Variants in CROCC2 observed in about 807,000 individuals in gnomAD.
CROCC2 encodes the protein ciliary rootlet coiled-coil protein 2.
A neutral mutation model predicts 177.6 loss-of-function variants in CROCC2; 163 were observed. That is an observed-to-expected ratio of 0.92 (90% CI 0.81 to 1.05). The LOEUF is 1.05. Ranked by LOEUF, CROCC2 falls within the 50% of genes least tolerant of loss-of-function variation. CROCC2 has a pLI of 0.00. For synonymous variants in CROCC2, 904 were observed against 787.3 expected (o/e 1.15, Z -2.48); for missense variants, 1,929 against 1,797.8 (o/e 1.07, Z -1.32).
intron 20 of CROCC2, 127 bp from the exon 21 acceptor site, chr2:240,963,429 G>C: frequency 1.0e-6 from 1 of 996,224 alleles, no homozygotes; most frequent in Admixed American, 2.9e-5. Context: ...GGTGAGCAAA[G>C]CGCATGGGGA....
At chr2:240,909,857 C>A (rs1472957572) in intron 1 of CROCC2, among the ~76,000 whole-genome samples, 1 of 152,176 alleles carries the variant, frequency 6.6e-6, no homozygotes, top group South Asian at 2.1e-4. Context: ...AGATGGGCAG[C>A]AGAACCGTAG....
chr2:240,990,011 C>T (rs1046335604), intron 30 of CROCC2, among the ~76,000 whole-genome samples, 178 bp downstream of exon 30: 1 of 152,234 alleles, frequency 6.6e-6, no homozygotes, highest in Non-Finnish European at 1.5e-5. Flanking sequence ...TTGCTCTCGA[C>T]GGCACGAGGT....
chr2:240,955,596 T>G (rs1025239397), intron 18 of CROCC2: 1 of 455,684 alleles, frequency 2.2e-6, no homozygotes, highest in Non-Finnish European at 3.9e-6. Flanking sequence ...CCCAGGGACG[T>G]GCCCAAGTGC....
At chr2:240,911,536 G>A (rs905153764) in intron 1 of CROCC2, among the ~76,000 whole-genome samples, 4 of 152,092 alleles carry the variant, frequency 2.6e-5, no homozygotes, top group Non-Finnish European at 5.9e-5. Context: ...GACCTCAAGC[G>A]ATGTGCGCGC....
intron 25 of CROCC2, among the ~76,000 whole-genome samples, chr2:240,966,791 T>A (rs2059687293): frequency 6.6e-6 from 1 of 152,064 alleles, no homozygotes; most frequent in Admixed American, 6.5e-5. Flanking sequence ...AGCTCCCCAG[T>A]GGCTGCTCCT....
intron 28 of CROCC2, chr2:240,983,607 G>A (rs2059816974): frequency 7.8e-7 from 1 of 1,284,900 alleles, no homozygotes; most frequent in African/African-American, 1.5e-5. Flanking sequence ...CCTTAGAGAG[G>A]AAGGAGGAGC....
chr2:240,988,728 G>T lies in CROCC2; in HGVS notation c.4552-11G>T, dbSNP rs934681495. On this transcript the variant is annotated splice_polypyrimidine_tract_variant and intron_variant, in intron 28 of 31. Coordinates refer to ENST00000690015, the MANE Select transcript of CROCC2 (RefSeq NM_001351305.2). The stretch of plus-strand genomic sequence containing the variant: ...GGAGGCCACAGGTTCTGCCTCCTGG[G>T]ATCTCTGCAGATGGAGCAAGAGACA... The T allele has an allele frequency of 5.1e-6, 7 of 1,368,486 alleles. No individual in the cohort carries two copies. In the East Asian group the frequency reaches 1.7e-4, roughly 34 times the overall value. The allele number at this position is 1,368,486 out of a possible 1,614,324, so 84.8% of individuals were successfully genotyped here.
Position 240,931,015 on chromosome 2 carries a change from G to T in CROCC2, c.834G>T (p.Arg278=). 1.4e-6 allele frequency: 1 copy of T among 716,506 alleles called. No homozygotes were observed. Among genetic ancestry groups the T allele is most frequent in the Non-Finnish European group, 2.6e-6 (1 of 384,840 alleles). 44.4% of individuals were successfully genotyped at this position (716,506 alleles called of 1,614,324 possible). The change falls in exon 7 of 32, where the codon CGG becomes CGT. Residue 278 remains arginine, a synonymous_variant. Coordinates refer to ENST00000690015, the MANE Select transcript of CROCC2 (RefSeq NM_001351305.2). The part of the protein sequence containing the change: ...TACLNLDSNL[R]LSASSTASTL... ...GCCTGAACCTCGACTCCAACCTGCG[G>T]CTGTCGGCCAGCAGCACGGCCAGCA...
At chr2:240,938,392 T>TG (rs1247097166) in intron 14 of CROCC2, among the ~76,000 whole-genome samples, 1 of 152,226 alleles carries the variant, frequency 6.6e-6, no homozygotes, top group Non-Finnish European at 1.5e-5. Context: ...ATCATATATG[T>TG]GGGATTTGTT....
At chr2:240,959,725 G>T in intron 20 of CROCC2, 1 of 334,974 alleles carries the variant, frequency 3.0e-6, no homozygotes, top group South Asian at 8.0e-5. Context: ...GTTTTCAGGG[G>T]AAAGAAGGCA....
intron 27 of CROCC2, 39 bp downstream of exon 27, chr2:240,968,301 A>G: frequency 6.7e-7 from 1 of 1,503,350 alleles, no homozygotes; most frequent in Non-Finnish European, 8.9e-7. Context: ...GTGGGGCACA[A>G]GAACAAGGCC....
Position 240,931,220 on chromosome 2 carries a change from G to A in CROCC2, c.947+92G>A, listed in dbSNP as rs1378873465. ...CGAGCAGCTGTGGATCCCAGATGTG[G>A]TCACACCGTTCCAGGGCAGGTGGGG... is the stretch of plus-strand genomic sequence containing the variant. On this transcript the variant is annotated intron_variant, in intron 7 of 31. Coordinates refer to ENST00000690015, the MANE Select transcript of CROCC2 (RefSeq NM_001351305.2). 5 of 621,008 alleles carry A rather than the reference G, an allele frequency of 8.1e-6. No homozygotes were observed. In the African/African-American group the frequency reaches 9.1e-5, roughly 11 times the overall value. 38.5% of individuals were successfully genotyped at this position (621,008 alleles called of 1,614,324 possible). A position where few individuals can be genotyped will look rare whatever the true frequency, so the allele number is the denominator to read the frequency against.
At chr2:240,980,947 C>A (rs2059793572) in intron 27 of CROCC2, among the ~76,000 whole-genome samples, 1 of 90,856 alleles carries the variant, frequency 1.1e-5, no homozygotes, top group East Asian at 4.7e-4. Flanking sequence ...CTCAGGAGCC[C>A]AGGCTCATCC....
chr2:240,951,364 C>T (rs2059555323), intron 18 of CROCC2, among the ~76,000 whole-genome samples: 1 of 151,892 alleles, frequency 6.6e-6, no homozygotes, highest in African/African-American at 2.4e-5. Flanking sequence ...CCTGCCCATC[C>T]ATCCATCCAT....
At chr2:240,966,195 C>A in intron 24 of CROCC2, 30 bp from the exon 25 acceptor site, 1 of 1,116,762 alleles carries the variant, frequency 9.0e-7, no homozygotes, top group African/African-American at 1.6e-5. Flanking sequence ...GTGTTCCTGT[C>A]CACGACCCCT....
chr2:240,923,454 C>A (rs1225097074), intron 4 of CROCC2, among the ~76,000 whole-genome samples: 2 of 130,030 alleles, frequency 1.5e-5, no homozygotes, highest in African/African-American at 5.7e-5. Flanking sequence ...CTAACCCGGC[C>A]CCCCACACTA....
chr2:240,972,487 C>T lies in CROCC2; in HGVS notation c.4401+4225C>T, dbSNP rs2059728403. On this transcript the variant is annotated intron_variant, in intron 27 of 31. Coordinates refer to ENST00000690015, the MANE Select transcript of CROCC2 (RefSeq NM_001351305.2). The surrounding 1 kb of genome is among the most constrained non-coding windows in gnomAD (Gnocchi z 7.1). The stretch of plus-strand genomic sequence containing the variant: ...CCTCTTCCCTGAGGTCCTGGTAGTA[C>T]AGAGTTGCCTCCCCAACACCCCTGC... Among the ~76,000 whole-genome samples, 1 of 152,078 alleles carries T rather than the reference C, an allele frequency of 6.6e-6. No homozygotes were observed. The highest frequency in any genetic ancestry group is 6.5e-5 in the Admixed American group (1 of 15,276).
intron 31 of CROCC2, 60 bp downstream of exon 31, chr2:240,991,338 G>A (rs1574803811): frequency 1.4e-6 from 2 of 1,449,912 alleles, no homozygotes; most frequent in East Asian, 2.6e-5. Context: ...CTGGCCAGGG[G>A]CAGGCGGCCC....
rs1307932464 is a variant in CROCC2, at chr2:240,958,244, G to C, written c.2944-1057G>C. On this transcript the variant is annotated intron_variant, in intron 19 of 31. Coordinates refer to ENST00000690015, the MANE Select transcript of CROCC2 (RefSeq NM_001351305.2). This position sits in a 1 kb window ranked among gnomAD's most constrained non-coding sequence, Gnocchi z 6.7. ...GGCTCCCAGCCGATGCCCTGTCCCT[G>C]AGGCCCTCACAGGGGTATCCTGCAG... The C allele has an allele frequency of 1.0e-6, 1 of 964,344 alleles. No homozygotes were observed. Among genetic ancestry groups the C allele is most frequent in the Non-Finnish European group, 1.2e-6 (1 of 810,720 alleles). The allele number at this position is 964,344 out of a possible 1,614,324, so 59.7% of individuals were successfully genotyped here.
Sources: allele counts gnomAD v4.1 joint callset (sites outside exome capture counted in the v4.1 genomes callset), GRCh38; gene constraint gnomAD v4.1.1; non-coding constraint Gnocchi (gnomAD v3.1); transcripts MANE v1.5; gene names NCBI Gene and HGNC (gene_info 2026-07-23, HGNC 2026-07-21).